ITGA9: variants seen among roughly 807,000 people sequenced by gnomAD.
ITGA9 encodes integrin subunit alpha 9.
A neutral mutation model predicts 127.8 loss-of-function variants in ITGA9; 56 were observed. The ratio of observed to expected loss-of-function variants is 0.44; its 90% confidence interval spans 0.35 to 0.55. ITGA9 has a LOEUF of 0.55. ITGA9 is among the 20% of genes least tolerant of loss of function. ITGA9 has a pLI of 0.00. For synonymous variants in ITGA9, 508 were observed against 514.5 expected, an observed-to-expected ratio of 0.99 and a Z score of 0.17; for missense variants, 1,196 against 1,347.1, an observed-to-expected ratio of 0.89 and a Z score of 1.76.
chr3:37,605,976 G>C (rs886559187), intron 15 of ITGA9, among the ~76,000 whole-genome samples: 1 of 152,170 alleles, frequency 6.6e-6, no homozygotes, highest in Non-Finnish European at 1.5e-5. Flanking sequence ...GCGAGTGTGA[G>C]GAATGCCAGA....
chr3:37,562,292 C>T (rs1240246288), intron 15 of ITGA9, among the ~76,000 whole-genome samples: 1 of 152,198 alleles, frequency 6.6e-6, no homozygotes, highest in Admixed American at 6.5e-5. Flanking sequence ...CTACAGATAT[C>T]TGTCTGTCTG....
chr3:37,805,614 T>C (rs988896822), intron 27 of ITGA9, among the ~76,000 whole-genome samples: 1 of 152,138 alleles, frequency 6.6e-6, no homozygotes. Context: ...AGCCTAGAAA[T>C]AGAATTGCCA....
chr3:37,473,683 T>C lies in ITGA9; in HGVS notation c.420+223T>C, dbSNP rs1698461229. Among the ~76,000 whole-genome samples the C allele has an allele frequency of 2.6e-5, 4 of 152,232 alleles. No individual in the cohort carries two copies. In the South Asian group the frequency reaches 8.3e-4, roughly 32 times the overall value. On this transcript the variant is annotated intron_variant, in intron 3 of 27. Transcript: ENST00000264741. ...TGTGACTATTGAAAAATAAAACATA[T>C]GTGAAAAGTGCTTTGTACATCTCAT...
At chr3:37,744,147 T>C (rs1696472541) in intron 22 of ITGA9, 113 bp downstream of exon 22, 2 of 773,392 alleles carry the variant, frequency 2.6e-6, no homozygotes, top group Admixed American at 1.9e-5. Context: ...TGTGGTTGGC[T>C]GGTGTGGTGT....
At chr3:37,539,796 G>C (rs74698498) in intron 14 of ITGA9, among the ~76,000 whole-genome samples, 1,594 of 152,288 alleles carry the variant, frequency 0.01, 26 homozygotes, top group African/African-American at 0.036. Flanking sequence ...TTATTGAGCA[G>C]GTTACCACTG....
At chr3:37,744,555 A>T (rs969511802) in intron 22 of ITGA9, among the ~76,000 whole-genome samples, 1 of 152,182 alleles carries the variant, frequency 6.6e-6, no homozygotes, top group Admixed American at 6.5e-5. Context: ...TCCCTCACTG[A>T]GCCATGGCTG....
At chr3:37,473,327 A>G in intron 2 of ITGA9, 27 bp from the exon 3 acceptor site, 1 of 1,593,082 alleles carries the variant, frequency 6.3e-7, no homozygotes, top group Non-Finnish European at 8.6e-7. Flanking sequence ...CCTCAACCCA[A>G]GTCTGGCTCT....
At chr3:37,710,864 T>A (rs186880549) in intron 18 of ITGA9, among the ~76,000 whole-genome samples, 28 of 152,350 alleles carry the variant, frequency 1.8e-4, no homozygotes, top group African/African-American at 6.5e-4. Context: ...TTCCACTGTC[T>A]GATTCTGGGT....
chr3:37,724,779 T>C (rs1021789148), intron 18 of ITGA9, among the ~76,000 whole-genome samples: 14 of 152,210 alleles, frequency 9.2e-5, no homozygotes, highest in African/African-American at 3.1e-4. Flanking sequence ...ATTACAGTCG[T>C]GAGCCACTGA....
At chr3:37,542,712 A>C (rs1489148823) in intron 15 of ITGA9, 127 bp downstream of exon 15, 1 of 938,330 alleles carries the variant, frequency 1.1e-6, no homozygotes, top group Non-Finnish European at 1.7e-6. Context: ...AGGGAGGAGC[A>C]TATCCATTTC....
At chr3:37,502,792 G>A (rs951016861) in intron 5 of ITGA9, among the ~76,000 whole-genome samples, 1 of 152,180 alleles carries the variant, frequency 6.6e-6, no homozygotes, top group African/African-American at 2.4e-5. Context: ...GCAGGGTGCG[G>A]TATTGCTTAC....
rs139705091 is a variant in ITGA9 at position 37,581,763 on chromosome 3, C to T, written c.1689+39178C>T. Among the ~76,000 whole-genome samples, 98 of 152,266 alleles carry T rather than the reference C, an allele frequency of 6.4e-4. 1 individual carries two copies. The East Asian group carries it at 0.017, about 27-fold the overall frequency. On this transcript the variant is annotated intron_variant, in intron 15 of 27. Transcript: ENST00000264741. Reference sequence around the variant, plus strand: ...TTTAATTGTCAGAACAAAGTGAAAGCGAACTCAGAGTGGGACTTGGGATGG... The same window carrying T: ...TTTAATTGTCAGAACAAAGTGAAAGTGAACTCAGAGTGGGACTTGGGATGG...
At position 37,628,901 on chromosome 3, in the gene ITGA9, A is replaced by G. The variant is rs187245362; in HGVS notation, c.1690-286A>G. The stretch of plus-strand genomic sequence containing the variant: ...GGTTTCTAAGAATATTTGGAGGATG[A>G]GTAAAGTAATGTCTTCCATATGCTC... On this transcript the variant is annotated intron_variant, in intron 15 of 27. Transcript: ENST00000264741. 1.4e-3 allele frequency among the ~76,000 whole-genome samples: 207 copies of G among 152,322 alleles called. 1 individual carries two copies. The highest frequency in any genetic ancestry group is 1.8e-3 in the Non-Finnish European group (120 of 68,026).
intron 14 of ITGA9, among the ~76,000 whole-genome samples, chr3:37,534,406 C>A (rs1699188493): frequency 6.6e-6 from 1 of 152,220 alleles, no homozygotes. Context: ...CTTTGGACTT[C>A]TGAATCAGAA....
intron 15 of ITGA9, among the ~76,000 whole-genome samples, chr3:37,601,838 G>T (rs753160410): frequency 6.6e-6 from 1 of 152,156 alleles, no homozygotes; most frequent in Admixed American, 6.5e-5. Flanking sequence ...ATGTGTATTC[G>T]GCTCATGGTT....
chr3:37,779,735 T>C (rs901444624), intron 24 of ITGA9, among the ~76,000 whole-genome samples, 167 bp from the exon 25 acceptor site: 1 of 152,206 alleles, frequency 6.6e-6, no homozygotes, highest in Non-Finnish European at 1.5e-5. Flanking sequence ...GGGAAATCCC[T>C]TGAATGCCCT....
chr3:37,498,519 G>C (rs1358709984), intron 5 of ITGA9, among the ~76,000 whole-genome samples: 1 of 152,178 alleles, frequency 6.6e-6, no homozygotes, highest in East Asian at 1.9e-4. Context: ...GGAAGTCCAG[G>C]TAGCTGTGCA....
chr3:37,652,733 T>C (rs1370962801), intron 16 of ITGA9, among the ~76,000 whole-genome samples: 3 of 152,138 alleles, frequency 2.0e-5, no homozygotes, highest in Non-Finnish European at 4.4e-5. Flanking sequence ...AGTTTAATAA[T>C]GAGTAAATTA....
chr3:37,659,199 A>C (rs1024647379), intron 17 of ITGA9, among the ~76,000 whole-genome samples: 6 of 152,052 alleles, frequency 3.9e-5, no homozygotes, highest in Non-Finnish European at 7.4e-5. Context: ...TGTTCTCTGT[A>C]TTTCCTGAAT....
Sources: gnomAD v4.1 joint callset for allele counts (sites outside exome capture counted in the v4.1 genomes callset) on GRCh38, gnomAD v4.1.1 for gene constraint, MANE v1.5 for transcripts, NCBI Gene and HGNC (gene_info 2026-07-23, HGNC 2026-07-21) for gene names.